Variants in PLSCR4 observed in about 807,000 individuals in gnomAD.
PLSCR4 encodes Ca(2+)-dependent phospholipid scramblase 4.
Under a neutral mutation model 36.3 loss-of-function variants are expected in PLSCR4, and 25 were observed. The observed-to-expected ratio is 0.69, with a 90% CI of 0.50 to 0.96. PLSCR4 has a LOEUF of 0.96. Among genes scored for constraint, PLSCR4 ranks in the 40% least tolerant of loss-of-function variants. The pLI is 0.00. For missense variants in PLSCR4, 408 were observed against 414.7 expected (o/e 0.98, Z 0.14); for synonymous variants, 122 against 132.9 (o/e 0.92, Z 0.56).
intron 4 of PLSCR4, among the ~76,000 whole-genome samples, chr3:146,201,568 T>C (rs143278124): frequency 1.1e-3 from 168 of 152,200 alleles, no homozygotes; most frequent in African/African-American, 3.8e-3. Flanking sequence ...CCCCATTTTA[T>C]ATTATTTTAC....
At chr3:146,221,961 T>C (rs1436056091) in intron 2 of PLSCR4, 104 bp downstream of exon 2, 1 of 537,630 alleles carries the variant, frequency 1.9e-6, no homozygotes, top group Non-Finnish European at 3.2e-6. Context: ...ATTTGCCAAA[T>C]GTTAAACAAA....
intron 7 of PLSCR4, 53 bp downstream of exon 7, chr3:146,196,579 C>T (rs78851167): frequency 0.024 from 37,054 of 1,538,708 alleles, 533 homozygotes; most frequent in Middle Eastern, 0.054. Flanking sequence ...TTTCCATGGT[C>T]TGTTAATATG....
chr3:146,195,320 C>A (rs758777310), intron 7 of PLSCR4, 38 bp from the exon 8 acceptor site: 25 of 1,525,386 alleles, frequency 1.6e-5, no homozygotes, highest in Non-Finnish European at 2.2e-5. Flanking sequence ...ATGATTGAAA[C>A]GCATTGAAGC....
intron 3 of PLSCR4, among the ~76,000 whole-genome samples, chr3:146,211,675 C>G (rs2034628383): frequency 6.6e-6 from 1 of 152,086 alleles, no homozygotes; most frequent in Non-Finnish European, 1.5e-5. Context: ...TTATAGTTTT[C>G]ACTCTTAGAC....
chr3:146,211,128 G>C (rs1465510631), intron 3 of PLSCR4, among the ~76,000 whole-genome samples: 1 of 151,922 alleles, frequency 6.6e-6, no homozygotes, highest in Non-Finnish European at 1.5e-5. Flanking sequence ...ATTATTAACT[G>C]CCAAACTGTT....
intron 1 of PLSCR4, among the ~76,000 whole-genome samples, chr3:146,232,411 A>G (rs552047286): frequency 1.3e-5 from 2 of 152,274 alleles, no homozygotes; most frequent in South Asian, 4.1e-4. Context: ...ATACCATTGA[A>G]TCTGTACATT....
At chr3:146,220,792 T>C (rs1293598327) in intron 3 of PLSCR4, 23 bp downstream of exon 3, 7 of 1,393,284 alleles carry the variant, frequency 5.0e-6, no homozygotes, top group Non-Finnish European at 7.1e-6. Flanking sequence ...AAGGAGAATA[T>C]CTTTTATGAA....
intron 4 of PLSCR4, 44 bp from the exon 5 acceptor site, chr3:146,201,121 A>G: frequency 2.5e-6 from 3 of 1,178,460 alleles, no homozygotes; most frequent in Non-Finnish European, 3.6e-6. Flanking sequence ...AAATAACAGA[A>G]CTAAAATACC....
intron 1 of PLSCR4, among the ~76,000 whole-genome samples, chr3:146,233,367 A>C (rs2107827839): frequency 6.6e-6 from 1 of 152,272 alleles, no homozygotes; most frequent in African/African-American, 2.4e-5. Flanking sequence ...TAAAACAGTC[A>C]TATTTCAAAA....
chr3:146,222,283 C>T, intron 1 of PLSCR4, 191 bp from the exon 2 acceptor site: 1 of 311,698 alleles, frequency 3.2e-6, no homozygotes, highest in Non-Finnish European at 6.0e-6. Context: ...GTTGAGAGTA[C>T]AGCAATGAAG....
At chr3:146,231,824 T>C in intron 1 of PLSCR4, among the ~76,000 whole-genome samples, 1 of 152,240 alleles carries the variant, frequency 6.6e-6, no homozygotes, top group East Asian at 1.9e-4. Flanking sequence ...ACTCTGTTGA[T>C]AGTTTCTTTT....
chr3:146,232,022 T>C (rs1476131050), intron 1 of PLSCR4, among the ~76,000 whole-genome samples: 1 of 152,216 alleles, frequency 6.6e-6, no homozygotes, highest in African/African-American at 2.4e-5. Flanking sequence ...CATTTTGAGT[T>C]GATTTTTGTA....
Position 146,201,064 on chromosome 3 carries a change from T to C in PLSCR4, c.368A>G (p.His123Arg), listed in dbSNP as rs761519089. The C allele has an allele frequency of 3.9e-6, 6 of 1,553,944 alleles. No homozygotes were observed. The Admixed American group carries it at 1.3e-4, about 34-fold the overall frequency. Reference sequence around the variant, plus strand: ...CAGAGGCTCAAAATGCTGAAGAACATGTATGTTGTCCAACTGTTGGGATAA... The same window carrying C: ...CAGAGGCTCAAAATGCTGAAGAACACGTATGTTGTCCAACTGTTGGGATAA... Reference protein sequence around the residue: ...LEYLVQLDNIHVLQHFEPLEM... With the variant: ...LEYLVQLDNIRVLQHFEPLEM... The change falls in exon 5 of 9, where the codon CAT (histidine) becomes CGT (arginine). Residue 123 changes from histidine to arginine, a missense_variant. Transcript: ENST00000354952.
chr3:146,233,781 C>T (rs2035810294), intron 1 of PLSCR4, among the ~76,000 whole-genome samples: 1 of 152,096 alleles, frequency 6.6e-6, no homozygotes, highest in Non-Finnish European at 1.5e-5. Context: ...CAGAGGCCAA[C>T]TTAGTATTCT....
At chr3:146,229,303 G>C (rs943783252) in intron 1 of PLSCR4, among the ~76,000 whole-genome samples, 80 of 152,132 alleles carry the variant, frequency 5.3e-4, no homozygotes, top group African/African-American at 1.6e-3. Flanking sequence ...GAGAATTGGA[G>C]CTTTGAGTAA....
chr3:146,205,058 C>A (rs540754918), intron 4 of PLSCR4, among the ~76,000 whole-genome samples: 1 of 151,938 alleles, frequency 6.6e-6, no homozygotes, highest in Non-Finnish European at 1.5e-5. Context: ...TGTCAATATA[C>A]AGAATTGAAA....
Position 146,220,839 on chromosome 3 carries a change from CAGG to C in PLSCR4, c.91_93del (p.Pro31del). 2 of 1,610,196 alleles carry C rather than the reference CAGG, an allele frequency of 1.2e-6. No homozygotes were observed. The highest frequency in any genetic ancestry group is 1.7e-6 in the Non-Finnish European group (2 of 1,176,730). On this transcript the variant is annotated inframe_deletion, in exon 3 of 9. Transcript: ENST00000354952. ...CCTGGTAAAAAATGAGAATTGTATT[CAGG>C]AGGAGCATCAGGCCTTGGATCTGGT...
chr3:146,229,881 C>T (rs1334908596), intron 1 of PLSCR4, among the ~76,000 whole-genome samples: 5 of 152,110 alleles, frequency 3.3e-5, no homozygotes, highest in African/African-American at 9.7e-5. Flanking sequence ...GCCTCAGCCT[C>T]CCAAAGTGCT....
chr3:146,201,739 A>G (rs1271449184), intron 4 of PLSCR4, among the ~76,000 whole-genome samples: 1 of 152,196 alleles, frequency 6.6e-6, no homozygotes, highest in East Asian at 1.9e-4. Flanking sequence ...TTAGATGGCA[A>G]CCCATGAAAA....
Sources: allele counts gnomAD v4.1 joint callset (sites outside exome capture counted in the v4.1 genomes callset), GRCh38; gene constraint gnomAD v4.1.1; transcripts MANE v1.5; gene names NCBI Gene and HGNC (gene_info 2026-07-23, HGNC 2026-07-21).